Variants in SNX29 observed in about 807,000 individuals in gnomAD.
The protein encoded by SNX29 is sorting nexin-29.
SNX29 carries 78 observed loss-of-function variants against 102.1 expected under a neutral mutation model. The ratio of observed to expected loss-of-function variants is 0.76; its 90% CI spans 0.64 to 0.92. The LOEUF (loss-of-function observed/expected upper bound fraction) is 0.92. Ranked by LOEUF, SNX29 falls within the 40% of genes least tolerant of loss-of-function variation. SNX29 has a pLI of 0.00. For synonymous variants in SNX29, 580 were observed against 414.5 expected, an observed-to-expected ratio of 1.40 and a Z score of -4.85; for missense variants, 1,280 against 1,061.7, an observed-to-expected ratio of 1.21 and a Z score of -2.86.
At chr16:12,017,076 C>A (rs551392149) in intron 3 of SNX29, among the ~76,000 whole-genome samples, 8 of 152,138 alleles carry the variant, frequency 5.3e-5, no homozygotes, top group South Asian at 2.1e-4. Context: ...CTGCGGTGAG[C>A]CATGATTTTG....
chr16:12,376,261 C>T (rs1324198459), intron 16 of SNX29, among the ~76,000 whole-genome samples: 1 of 152,168 alleles, frequency 6.6e-6, no homozygotes, highest in East Asian at 1.9e-4. Context: ...TTACTGGCCC[C>T]CCGGGAGCGA....
At chr16:12,126,270 G>C (rs779647040) in intron 11 of SNX29, among the ~76,000 whole-genome samples, 2 of 152,094 alleles carry the variant, frequency 1.3e-5, no homozygotes, top group Non-Finnish European at 2.9e-5. Context: ...TTCTGTGCTG[G>C]GCACCATTCC....
chr16:12,127,957 G>T (rs113143510), intron 12 of SNX29, among the ~76,000 whole-genome samples: 1 of 152,076 alleles, frequency 6.6e-6, no homozygotes, highest in African/African-American at 2.4e-5. Context: ...GGAGAGGGGG[G>T]TGTGTGTTCA....
intron 15 of SNX29, among the ~76,000 whole-genome samples, chr16:12,321,061 G>C (rs2080915044): frequency 6.6e-6 from 1 of 152,102 alleles, no homozygotes; most frequent in South Asian, 2.1e-4. Flanking sequence ...CCTCCTCCAG[G>C]AGGTCCTTAC....
intron 18 of SNX29, among the ~76,000 whole-genome samples, chr16:12,449,345 G>A (rs772506737): frequency 6.6e-6 from 1 of 151,546 alleles, no homozygotes; most frequent in Non-Finnish European, 1.5e-5. Context: ...GGGACAAGCA[G>A]AGGGAACAGG....
At chr16:12,075,400 C>T (rs2051505949) in intron 10 of SNX29, among the ~76,000 whole-genome samples, 1 of 152,240 alleles carries the variant, frequency 6.6e-6, no homozygotes, top group Non-Finnish European at 1.5e-5. Context: ...CCCTCAGCTG[C>T]AGTCTGTTGG....
intron 3 of SNX29, 41 bp from the exon 4 acceptor site, chr16:12,027,279 C>G (rs1206059231): frequency 6.2e-7 from 1 of 1,609,740 alleles, no homozygotes; most frequent in African/African-American, 1.3e-5. Flanking sequence ...GTTGCTACTC[C>G]CTTTTCTGGG....
At chr16:12,324,177 T>TG (rs919418501) in intron 15 of SNX29, among the ~76,000 whole-genome samples, 17 of 151,836 alleles carry the variant, frequency 1.1e-4, no homozygotes, top group South Asian at 6.3e-4. Flanking sequence ...CATGGGCTTT[T>TG]GGGGGGGTCC....
At chr16:12,388,649 A>G (rs1297317955) in intron 16 of SNX29, among the ~76,000 whole-genome samples, 1 of 152,214 alleles carries the variant, frequency 6.6e-6, no homozygotes, top group East Asian at 1.9e-4. Context: ...TAGATGATAC[A>G]TAACTGGCTG....
Position 12,570,779 on chromosome 16 carries a change from G to A in SNX29, c.*2150G>A, listed in dbSNP as rs948979522. ...TGGACATTCTGCACATGATAATAAT[G>A]CAACAGTCCCCCATTGCTGAGAGAT... is the stretch of plus-strand genomic sequence containing the variant. On this transcript the variant is annotated 3_prime_UTR_variant, in exon 21 of 21. Transcript: ENST00000566228. 8.5e-6 allele frequency: 1 copy of A among 118,332 alleles called. No homozygotes were observed. The highest frequency in any genetic ancestry group is 7.7e-5 in the East Asian group (1 of 12,964). The allele number at this position is 118,332 out of a possible 1,614,324, so 7.3% of individuals were successfully genotyped here.
At chr16:12,167,831 G>A (rs527725458) in intron 13 of SNX29, among the ~76,000 whole-genome samples, 49 of 152,278 alleles carry the variant, frequency 3.2e-4, no homozygotes, top group Non-Finnish European at 6.3e-4. Context: ...CGTTTATTTC[G>A]TGAATAAGGT....
At chr16:12,065,642 A>G (rs1228845838) in intron 9 of SNX29, among the ~76,000 whole-genome samples, 1 of 152,186 alleles carries the variant, frequency 6.6e-6, no homozygotes, top group Non-Finnish European at 1.5e-5. Context: ...TTTAGCACTT[A>G]GCTCTTAGTG....
At chr16:12,465,037 T>C (rs1427798485) in intron 18 of SNX29, among the ~76,000 whole-genome samples, 1 of 152,208 alleles carries the variant, frequency 6.6e-6, no homozygotes, top group African/African-American at 2.4e-5. Flanking sequence ...GTAGGCTATG[T>C]GTGTCTTCTT....
In SNX29 at chr16:12,573,736, A is replaced by C; in HGVS notation, c.*5107A>C. 4.5e-6 allele frequency: 1 copy of C among 223,126 alleles called. No individual in the cohort carries two copies. Among genetic ancestry groups the C allele is most frequent in the Non-Finnish European group, 9.0e-6 (1 of 111,570 alleles). The allele number at this position is 223,126 out of a possible 1,614,324, so 13.8% of individuals were successfully genotyped here. On this transcript the variant is annotated 3_prime_UTR_variant, in exon 21 of 21. Transcript: ENST00000566228. ...TAGCACACGGAATGGTGGATCGTAC[A>C]TTTGCACCCAGAGCTACTAAACGCT...
intron 18 of SNX29, among the ~76,000 whole-genome samples, chr16:12,472,505 C>T (rs1311576699): frequency 2.3e-5 from 3 of 128,650 alleles, no homozygotes; most frequent in African/African-American, 3.1e-5. Flanking sequence ...GGTGACAGAG[C>T]GAGTCTAAAT....
At chr16:12,160,670 C>T (rs551318709) in intron 13 of SNX29, among the ~76,000 whole-genome samples, 60 of 151,046 alleles carry the variant, frequency 4.0e-4, no homozygotes, top group African/African-American at 1.3e-3. Flanking sequence ...TGCAAATATG[C>T]TAAAAACCAC....
At chr16:12,565,029 T>G (rs2078937147) in intron 20 of SNX29, among the ~76,000 whole-genome samples, 1 of 152,100 alleles carries the variant, frequency 6.6e-6, no homozygotes, top group South Asian at 2.1e-4. Flanking sequence ...AGTCCTGGGA[T>G]GAGCCTGGCA....
chr16:12,380,502 C>G (rs1381290192), intron 16 of SNX29, among the ~76,000 whole-genome samples: 1 of 127,390 alleles, frequency 7.8e-6, no homozygotes, highest in East Asian at 2.5e-4. Context: ...ATCCACCTAT[C>G]CACCTACCCA....
At chr16:12,147,802 A>G (rs350225) in intron 13 of SNX29, among the ~76,000 whole-genome samples, 70,433 of 152,108 alleles carry the variant, frequency 0.46, 18,441 homozygotes, top group East Asian at 0.7. Context: ...CTGAACATGA[A>G]GCCTGGGTCT....
Sources: allele counts gnomAD v4.1 joint callset (sites outside exome capture counted in the v4.1 genomes callset), GRCh38; gene constraint gnomAD v4.1.1; transcripts MANE v1.5; gene names NCBI Gene and HGNC (gene_info 2026-07-23, HGNC 2026-07-21).